The following MSL2 variants were observed in gnomAD, a reference collection of about 807,000 sequenced individuals.
MSL2 encodes E3 ubiquitin-protein ligase MSL2.
MSL2 carries 2 observed loss-of-function variants against 35.8 expected under a neutral mutation model. The observed-to-expected ratio is 0.06, with a 90% CI of 0.02 to 0.18. The LOEUF (loss-of-function observed/expected upper bound fraction) is 0.18, where lower values mean the gene tolerates loss of function less well. MSL2 is among the 10% of genes least tolerant of loss of function. MSL2 has a pLI of 1.00. For missense variants in MSL2, 523 were observed against 706.7 expected (o/e 0.74, Z 2.95); for synonymous variants, 296 against 255.7 (o/e 1.16, Z -1.50).
chr3:136,185,034 G>A (rs1490854113), intron 1 of MSL2, among the ~76,000 whole-genome samples: 1 of 152,122 alleles, frequency 6.6e-6, no homozygotes, highest in African/African-American at 2.4e-5. Context: ...GAGTACAGTG[G>A]CAGGATCTCA....
chr3:136,171,489 C>A (rs1025941641), intron 1 of MSL2, among the ~76,000 whole-genome samples: 1 of 152,200 alleles, frequency 6.6e-6, no homozygotes, highest in Admixed American at 6.5e-5. Context: ...TCTCTTCAGC[C>A]AAGGATGATT....
chr3:136,171,858 T>C (rs1940035064), intron 1 of MSL2, among the ~76,000 whole-genome samples: 1 of 152,216 alleles, frequency 6.6e-6, no homozygotes, highest in Non-Finnish European at 1.5e-5. Context: ...CAGGTATGTA[T>C]GTGAGAGTTT....
intron 1 of MSL2, among the ~76,000 whole-genome samples, chr3:136,154,826 G>C (rs563822074): frequency 6.6e-6 from 1 of 150,822 alleles, no homozygotes; most frequent in South Asian, 2.1e-4. Flanking sequence ...GAGAGGCAGA[G>C]GTGGACACTC....
chr3:136,190,379 A>G (rs1940652604), intron 1 of MSL2, among the ~76,000 whole-genome samples: 1 of 152,172 alleles, frequency 6.6e-6, no homozygotes, highest in Non-Finnish European at 1.5e-5. Context: ...GCAAGGCCAC[A>G]TCTCTACAAA....
At chr3:136,172,467 C>T (rs1940055984) in intron 1 of MSL2, among the ~76,000 whole-genome samples, 1 of 152,098 alleles carries the variant, frequency 6.6e-6, no homozygotes, top group Non-Finnish European at 1.5e-5. Context: ...CAGTTATTCC[C>T]TATGCAGAAG....
In MSL2 at chr3:136,194,201, GCA is replaced by G. The variant is rs1491540769; in HGVS notation, c.142+769_142+770del. Among the ~76,000 whole-genome samples the G allele has an allele frequency of 2.3e-3, 345 of 152,182 alleles. 2 individuals carry two copies. The highest frequency in any genetic ancestry group is 8.0e-3 in the African/African-American group (331 of 41,518). ...CGAAAAGCAAGTAATTATTACACAC[GCA>G]CAGTTAACATTCAAATTATCACTTT... On this transcript the variant is annotated intron_variant, in intron 1 of 1. Transcript: ENST00000309993.
At chr3:136,188,300 G>A (rs1229271438) in intron 1 of MSL2, among the ~76,000 whole-genome samples, 1 of 152,028 alleles carries the variant, frequency 6.6e-6, no homozygotes, top group Non-Finnish European at 1.5e-5. Flanking sequence ...TAGGCGTGGT[G>A]GGGCATGCCT....
At chr3:136,173,818 C>T (rs537219416) in intron 1 of MSL2, among the ~76,000 whole-genome samples, 1 of 152,210 alleles carries the variant, frequency 6.6e-6, no homozygotes, top group Admixed American at 6.5e-5. Flanking sequence ...AGAATCTAGC[C>T]CCTACCTACC....
chr3:136,159,908 A>G (rs1461210380), intron 1 of MSL2, among the ~76,000 whole-genome samples: 1 of 152,130 alleles, frequency 6.6e-6, no homozygotes, highest in Non-Finnish European at 1.5e-5. Context: ...CAAAAAGGAA[A>G]AAAAAATAGT....
At chr3:136,192,563 G>A (rs1056059718) in intron 1 of MSL2, among the ~76,000 whole-genome samples, 17 of 148,610 alleles carry the variant, frequency 1.1e-4, no homozygotes, top group Admixed American at 9.4e-4. Context: ...TTAGGCAGAA[G>A]AAAATTAAGA....
chr3:136,173,855 C>G (rs1940096919), intron 1 of MSL2, among the ~76,000 whole-genome samples: 1 of 152,192 alleles, frequency 6.6e-6, no homozygotes, highest in Non-Finnish European at 1.5e-5. Context: ...TCTCATTTCA[C>G]TAAGCTTTCT....
At chr3:136,180,796 G>A (rs796602411) in intron 1 of MSL2, among the ~76,000 whole-genome samples, 10,660 of 42,578 alleles carry the variant, frequency 0.25, 1,140 homozygotes, top group Non-Finnish European at 0.31. Context: ...GAGGGAGGGA[G>A]GGAGGGAGGG....
At position 136,150,379 on chromosome 3, in the gene MSL2, C is replaced by A. The variant is rs893150539; in HGVS notation, c.*768G>T. 2 of 152,506 alleles carry A rather than the reference C, an allele frequency of 1.3e-5. No individual in the cohort carries two copies. Among genetic ancestry groups the A allele is most frequent in the Non-Finnish European group, 1.5e-5 (1 of 68,026 alleles). The allele number at this position is 152,506 out of a possible 1,614,324, so 9.4% of individuals were successfully genotyped here. The stretch of plus-strand genomic sequence containing the variant: ...ATCTTTTTATAATTTTAAAAAAATT[C>A]TGTCACATACTACATAGTCTAAATT... On this transcript the variant is annotated 3_prime_UTR_variant, in exon 2 of 2. Transcript: ENST00000309993.
intron 1 of MSL2, among the ~76,000 whole-genome samples, chr3:136,164,637 C>G (rs949816409): frequency 4.6e-5 from 7 of 152,184 alleles, no homozygotes; most frequent in African/African-American, 1.7e-4. Context: ...AAGAAACCCC[C>G]CACCTCCAAC....
chr3:136,186,279 G>A (rs938896140), intron 1 of MSL2, among the ~76,000 whole-genome samples: 1 of 152,144 alleles, frequency 6.6e-6, no homozygotes, highest in African/African-American at 2.4e-5. Context: ...TGGGTGATTG[G>A]TTCAAGCATC....
rs559445272 is a variant in MSL2, at chr3:136,155,386, C to T, written c.143-2648G>A. ...GGGCATGGTGGTGCATGCCTGTAAT[C>T]CCAGCTACTTGGGAGGCTGAGGCAA... On this transcript the variant is annotated intron_variant, in intron 1 of 1. Transcript: ENST00000309993. 6.6e-5 allele frequency among the ~76,000 whole-genome samples: 10 copies of T among 152,170 alleles called. No homozygotes were observed. The South Asian group carries it at 2.1e-3, about 32-fold the overall frequency.
chr3:136,195,220 A>G lies in MSL2; in HGVS notation c.-107T>C. The G allele has an allele frequency of 6.6e-7, 1 of 1,522,606 alleles. No homozygotes were observed. The highest frequency in any genetic ancestry group is 8.8e-7 in the Non-Finnish European group (1 of 1,139,766). 94.3% of individuals were successfully genotyped at this position (1,522,606 alleles called of 1,614,324 possible). On this transcript the variant is annotated 5_prime_UTR_variant, in exon 1 of 2. It removes the in-frame stop codon of an upstream open reading frame in the 5' UTR. Coordinates refer to ENST00000309993, the MANE Select transcript of MSL2 (RefSeq NM_018133.4). Reference sequence around the variant, plus strand: ...AATTTGCAACAATTCGGAAGAAATCAGAGCCGAACCATTGGCCAAACAAGT... The same window carrying G: ...AATTTGCAACAATTCGGAAGAAATCGGAGCCGAACCATTGGCCAAACAAGT...
At chr3:136,173,924 T>TA (rs560575361) in intron 1 of MSL2, among the ~76,000 whole-genome samples, 28 of 152,226 alleles carry the variant, frequency 1.8e-4, no homozygotes, top group Non-Finnish European at 2.6e-4. Context: ...ATGCAATGCT[T>TA]ACTCATCCTC....
At chr3:136,172,379 G>A (rs962548959) in intron 1 of MSL2, among the ~76,000 whole-genome samples, 2 of 151,634 alleles carry the variant, frequency 1.3e-5, no homozygotes, top group African/African-American at 2.4e-5. Flanking sequence ...CCCCCACCCA[G>A]TTACCTATAC....
Sources: allele counts gnomAD v4.1 joint callset (sites outside exome capture counted in the v4.1 genomes callset), GRCh38; gene constraint gnomAD v4.1.1; transcripts MANE v1.5; gene names NCBI Gene and HGNC (gene_info 2026-07-23, HGNC 2026-07-21).